MRPL10: variants seen among roughly 807,000 people sequenced by gnomAD.
MRPL10 encodes the protein large ribosomal subunit protein uL10m.
MRPL10 carries 14 observed loss-of-function variants against 19.8 expected under a neutral mutation model. That is an observed-to-expected ratio of 0.71 (90% CI 0.47 to 1.11). The LOEUF (loss-of-function observed/expected upper bound fraction) is 1.11, where lower values mean the gene tolerates loss of function less well. MRPL10 is among the 50% of genes least tolerant of loss of function. MRPL10 has a pLI of 0.00. For synonymous variants in MRPL10, 129 were observed against 139.2 expected (o/e 0.93, Z 0.52); for missense variants, 318 against 339.6 (o/e 0.94, Z 0.50).
At chr17:47,828,441 C>T in intron 2 of MRPL10, 60 bp downstream of exon 2, 1 of 1,251,744 alleles carries the variant, frequency 8.0e-7, no homozygotes, top group Non-Finnish European at 1.1e-6. Flanking sequence ...TGGCCAGAGA[C>T]AAGATTACTT....
chr17:47,826,965 A>G, intron 3 of MRPL10, 75 bp downstream of exon 3: 1 of 1,492,096 alleles, frequency 6.7e-7, no homozygotes, highest in Non-Finnish European at 9.1e-7. Flanking sequence ...ATCACTGGGG[A>G]GCAGATGGTG....
chr17:47,827,234 C>T (rs751108332), intron 2 of MRPL10, 30 bp from the exon 3 acceptor site: 1 of 1,570,826 alleles, frequency 6.4e-7, no homozygotes. Flanking sequence ...ACCAAGGGTA[C>T]ATCAGCTGCC....
At chr17:47,824,658 C>G (rs916192814) in intron 4 of MRPL10, among the ~76,000 whole-genome samples, 200 bp from the exon 5 acceptor site, 2 of 152,182 alleles carry the variant, frequency 1.3e-5, no homozygotes, top group Non-Finnish European at 2.9e-5. Context: ...TCAGAAAACT[C>G]TTAATATATC....
intron 3 of MRPL10, 100 bp from the exon 4 acceptor site, chr17:47,826,881 T>C (rs1187194054): frequency 6.6e-7 from 1 of 1,520,984 alleles, no homozygotes; most frequent in Non-Finnish European, 9.0e-7. Flanking sequence ...AACCCAAGGG[T>C]CTTCTCAGCC....
intron 1 of MRPL10, among the ~76,000 whole-genome samples, chr17:47,828,942 C>A (rs1226910681): frequency 1.3e-5 from 2 of 152,100 alleles, no homozygotes; most frequent in African/African-American, 4.8e-5. Context: ...AAAATGAGAA[C>A]AAAGGAGAAA....
In MRPL10 at chr17:47,826,669, A is replaced by G; in HGVS notation, c.500T>C (p.Ile167Thr). The change falls in exon 4 of 5, where the codon ATC becomes ACC. Residue 167 changes from isoleucine (I) to threonine (T), a missense_variant. Ile to Thr is a moderately conservative substitution (Grantham distance 89). Coordinates refer to ENST00000351111, the MANE Select transcript of MRPL10 (RefSeq NM_145255.4). Reference sequence around the variant, plus strand: ...CGGCAGGAATGGCACAGTCCTTAAGATCCGTACCATCTCCTTGACCTTGGG... The same window carrying G: ...CGGCAGGAATGGCACAGTCCTTAAGGTCCGTACCATCTCCTTGACCTTGGG... ...EEPKVKEMVRILRTVPFLPLL... is the reference protein window; with the variant it reads ...EEPKVKEMVRTLRTVPFLPLL... 6.2e-7 allele frequency: 1 copy of G among 1,614,024 alleles called. No homozygotes were observed. Among genetic ancestry groups the G allele is most frequent in the South Asian group, 1.1e-5 (1 of 91,070 alleles).
At position 47,824,532 on chromosome 17, in the gene MRPL10, T is replaced by C. The variant is rs575865398; in HGVS notation, c.533-74A>G. 1.5e-5 allele frequency: 23 copies of C among 1,483,974 alleles called. No homozygotes were observed. The Admixed American group carries it at 5.4e-4, about 35-fold the overall frequency. The allele number at this position is 1,483,974 out of a possible 1,614,324, so 91.9% of individuals were successfully genotyped here. ...TCTGAAAACAATATTCTGACCCTAG[T>C]AACTTGCTCTCCATTGCCCTTCTCA... On this transcript the variant is annotated intron_variant, in intron 4 of 4. Transcript: ENST00000351111.
chr17:47,824,787 G>C (rs1008103370), intron 4 of MRPL10, among the ~76,000 whole-genome samples: 13 of 152,214 alleles, frequency 8.5e-5, no homozygotes, highest in African/African-American at 3.1e-4. Context: ...GCTGAGGCAG[G>C]CAGATCACCT....
At chr17:47,829,419 C>G (rs916070636) in intron 1 of MRPL10, 2 of 152,180 alleles carry the variant, frequency 1.3e-5, no homozygotes, top group Non-Finnish European at 2.9e-5. Context: ...CTCAACTCTG[C>G]CAAAAGCAGC....
rs1346008478 is a variant in MRPL10 at position 47,831,532 on chromosome 17, G to T, written c.-21C>A. On this transcript the variant is annotated 5_prime_UTR_variant, in exon 1 of 5. Transcript: ENST00000351111. ...GCCATCTCCACCGGAAGAATGGACGGAAGCCGAGTGGAGACGGAAAGAGCT... is the reference window on the plus strand; with the variant it reads ...GCCATCTCCACCGGAAGAATGGACGTAAGCCGAGTGGAGACGGAAAGAGCT... 6.5e-7 allele frequency: 1 copy of T among 1,548,266 alleles called. No homozygotes were observed. The highest frequency in any genetic ancestry group is 8.7e-7 in the Non-Finnish European group (1 of 1,145,558).
In MRPL10 at chr17:47,824,359, A is replaced by T; in HGVS notation, c.632T>A (p.Leu211His). The T allele has an allele frequency of 1.2e-6, 2 of 1,612,924 alleles. No homozygotes were observed. The highest frequency in any genetic ancestry group is 1.7e-6 in the Non-Finnish European group (2 of 1,179,210). The part of the protein sequence containing the change: ...PLVQGELVGG[L>H]TCLTAQTHSL... ...GTGGGTCTGGGCTGTGAGGCAGGTG[A>T]GGCCTCCTACAAGCTCCCCCTGCAC... Residue 211 changes from leucine (L) to histidine (H), a missense_variant, in exon 5 of 5, where the codon CTC (leucine) becomes CAC (histidine). Leu to His is a moderately conservative substitution (Grantham distance 99). Coordinates refer to ENST00000351111, the MANE Select transcript of MRPL10 (RefSeq NM_145255.4).
intron 1 of MRPL10, among the ~76,000 whole-genome samples, chr17:47,831,136 A>G (rs996539415): frequency 6.6e-6 from 1 of 152,236 alleles, no homozygotes. Context: ...ACAAGCAACT[A>G]AACAAATGCA....
chr17:47,828,793 A>T (rs1248297926), intron 1 of MRPL10, 123 bp from the exon 2 acceptor site: 2 of 679,708 alleles, frequency 2.9e-6, no homozygotes, highest in Admixed American at 8.5e-5. Flanking sequence ...GACTCAACAC[A>T]AGAGTGGGAC....
In MRPL10 at chr17:47,824,186, G is replaced by T. The variant is rs377039338; in HGVS notation, c.*19C>A. 54 of 1,613,920 alleles carry T rather than the reference G, an allele frequency of 3.3e-5. No individual in the cohort carries two copies. Among genetic ancestry groups the T allele is most frequent in the Non-Finnish European group, 4.4e-5 (52 of 1,180,030 alleles). ...TAACGCAGAGTGTATTTATGCGCAG[G>T]GCTGGCTAAACAGGCTGGCTACGAG... On this transcript the variant is annotated 3_prime_UTR_variant, in exon 5 of 5. Transcript: ENST00000351111.
At chr17:47,826,093 G>A (rs531677878) in intron 4 of MRPL10, among the ~76,000 whole-genome samples, 1 of 147,002 alleles carries the variant, frequency 6.8e-6, no homozygotes, top group South Asian at 2.1e-4. Context: ...GTTGCAGTGA[G>A]CTGAGACTGT....
intron 4 of MRPL10, among the ~76,000 whole-genome samples, chr17:47,825,494 A>G (rs1195015655): frequency 6.6e-6 from 1 of 152,138 alleles, no homozygotes; most frequent in South Asian, 2.1e-4. Context: ...ACATGGTGGC[A>G]TGCGCCTGTA....
intron 4 of MRPL10, 59 bp from the exon 5 acceptor site, chr17:47,824,517 A>G (rs973855476): frequency 1.3e-6 from 2 of 1,497,972 alleles, no homozygotes; most frequent in Non-Finnish European, 1.8e-6. Flanking sequence ...TCTGAAAACA[A>G]TATTCTGACC....
rs754679498 is a variant in MRPL10 at position 47,827,136 on chromosome 17, G to T, written c.291C>A (p.Ala97=). 1 of 1,614,114 alleles carries T rather than the reference G, an allele frequency of 6.2e-7. No individual in the cohort carries two copies. Among genetic ancestry groups the T allele is most frequent in the African/African-American group, 1.3e-5 (1 of 75,042 alleles). Residue 97 remains alanine (A), a synonymous_variant, in exon 3 of 5, where the codon GCC becomes GCA. Coordinates refer to ENST00000351111, the MANE Select transcript of MRPL10 (RefSeq NM_145255.4). The part of the protein sequence containing the change: ...AAVFQDNRMI[A]VCQNVALSAE... ...CACTCAGAGCCACATTCTGGCAGAC[G>T]GCTATCATTCGGTTGTCCTGGAAAA...
Position 47,831,483 on chromosome 17 carries a change from C to G in MRPL10, c.29G>C (p.Arg10Pro), listed in dbSNP as rs2143602950. The G allele has an allele frequency of 6.5e-7, 1 of 1,548,984 alleles. No individual in the cohort carries two copies. The highest frequency in any genetic ancestry group is 1.2e-5 in the South Asian group (1 of 84,008). The change falls in exon 1 of 5, where the codon CGA becomes CCA. Residue 10 changes from arginine (R) to proline (P), a missense_variant. Transcript: ENST00000351111. MAAAVAGML[R>P]GGLLPQAGRL... Reference sequence around the variant, plus strand: ...ACCCGCCTGGGGCAGGAGACCCCCTCGCAGCATCCCCGCCACGGCCGCAGC... The same window carrying G: ...ACCCGCCTGGGGCAGGAGACCCCCTGGCAGCATCCCCGCCACGGCCGCAGC...
Sources: allele counts gnomAD v4.1 joint callset (sites outside exome capture counted in the v4.1 genomes callset), GRCh38; gene constraint gnomAD v4.1.1; transcripts MANE v1.5; gene names NCBI Gene and HGNC (gene_info 2026-07-23, HGNC 2026-07-21).